The following ANKZF1 variants were observed in gnomAD, a reference collection of about 807,000 sequenced individuals.
ANKZF1 encodes ankyrin repeat and zinc finger peptidyl tRNA hydrolase 1, also known as tRNA endonuclease ANKZF1.
A neutral mutation model predicts 86.0 loss-of-function variants in ANKZF1; 84 were observed. The observed-to-expected ratio is 0.98, with a 90% CI of 0.82 to 1.17. The LOEUF is 1.17. Ranked by LOEUF, ANKZF1 falls within the 50% of genes most tolerant of loss-of-function variation. The pLI, the probability that ANKZF1 is intolerant of heterozygous loss-of-function variation, is 0.00. For synonymous variants in ANKZF1, 331 were observed against 354.2 expected, an observed-to-expected ratio of 0.93 and a Z score of 0.74; for missense variants, 893 against 918.4, an observed-to-expected ratio of 0.97 and a Z score of 0.36.
chr2:219,232,588 A>T lies in ANKZF1; in HGVS notation c.463A>T (p.Ser155Cys). 6.2e-7 allele frequency: 1 copy of T among 1,614,182 alleles called. No individual in the cohort carries two copies. The highest frequency in any genetic ancestry group is 1.1e-5 in the South Asian group (1 of 91,086). Residue 155 changes from serine (S) to cysteine (C), a missense_variant, in exon 5 of 14, where the codon AGC becomes TGC. Transcript: ENST00000323348. ...DRERATFEKL[S>C]RPPGFYPHRV... is the part of the protein sequence containing the mutation. Reference sequence around the variant, plus strand: ...GGAGAGGGCTACATTTGAGAAGTTGAGCCGACCCCCAGGCTTTTACCCTCA... The same window carrying T: ...GGAGAGGGCTACATTTGAGAAGTTGTGCCGACCCCCAGGCTTTTACCCTCA...
intron 2 of ANKZF1, chr2:219,231,670 A>G: frequency 2.7e-6 from 1 of 375,648 alleles, no homozygotes; most frequent in South Asian, 2.4e-5. Context: ...CTGGGATTAC[A>G]AGCGTGAGCC....
At position 219,234,855 on chromosome 2, in the gene ANKZF1, C is replaced by T. The variant is rs777110647; in HGVS notation, c.1234C>T (p.Gln412Ter). 9.3e-6 allele frequency: 15 copies of T among 1,612,898 alleles called. No homozygotes were observed. Among genetic ancestry groups the T allele is most frequent in the Non-Finnish European group, 1.2e-5 (14 of 1,179,298 alleles). Residue 412 changes from glutamine to a stop codon, truncating the protein, a stop_gained, in exon 10 of 14, where the codon CAG becomes TAG. Coordinates refer to ENST00000323348, the MANE Select transcript of ANKZF1 (RefSeq NM_018089.3). LOFTEE classifies it high-confidence loss of function. ...GSGSEGEDGF[Q>*]VELELVELTV... ...AGGGTCGGAGGGAGAAGATGGCTTT[C>T]AGGTAGAGTTGGAGCTAGTGGAGTT... is the stretch of plus-strand genomic sequence containing the variant.
intron 5 of ANKZF1, 73 bp downstream of exon 5, chr2:219,232,756 T>G (rs1951081515): frequency 1.4e-6 from 2 of 1,469,298 alleles, no homozygotes; most frequent in Admixed American, 4.0e-5. Context: ...CTTAGCCTAG[T>G]GCATTTCTCC....
At chr2:219,230,593 C>A in intron 2 of ANKZF1, 188 bp downstream of exon 2, 2 of 672,206 alleles carry the variant, frequency 3.0e-6, no homozygotes, top group Non-Finnish European at 4.6e-6. Flanking sequence ...GTCTTTTTGC[C>A]ATTGCATGTA....
At position 219,230,404 on chromosome 2, in the gene ANKZF1, A is replaced by T; in HGVS notation, c.147A>T (p.Ser49=). 6.2e-7 allele frequency: 1 copy of T among 1,605,330 alleles called. No homozygotes were observed. Among genetic ancestry groups the T allele is most frequent in the Admixed American group, 1.7e-5 (1 of 59,364 alleles). The stretch of plus-strand genomic sequence containing the variant: ...CCCGGGCTCCGCGTACTTCCTGTTC[A>T]GGTATCCTGGAAGGTTTCGTGTGAA... The part of the protein sequence containing the change: ...ALARAPRTSC[S]GSGERESPER... Residue 49 remains serine, a splice_region_variant and synonymous_variant, in exon 2 of 14, where the codon TCA becomes TCT. Transcript: ENST00000323348.
rs539189014 is a variant in ANKZF1 at position 219,232,289 on chromosome 2, G to A, written c.291G>A (p.Arg97=). 1 of 1,614,230 alleles carries A rather than the reference G, an allele frequency of 6.2e-7. No individual in the cohort carries two copies. The highest frequency in any genetic ancestry group is 8.5e-7 in the Non-Finnish European group (1 of 1,180,046). ...AACATTATAAGCTTGACTGGCATCG[G>A]TTTAACCTAAAGCAACGTCTCAAGG... The part of the protein sequence containing the change: ...QREHYKLDWH[R]FNLKQRLKDK... Residue 97 remains arginine, a synonymous_variant, in exon 4 of 14, where the codon CGG becomes CGA. Transcript: ENST00000323348.
In ANKZF1 at chr2:219,234,290, T is replaced by G; in HGVS notation, c.1204+2T>G. 6.2e-7 allele frequency: 1 copy of G among 1,613,794 alleles called. No individual in the cohort carries two copies. The highest frequency in any genetic ancestry group is 1.1e-5 in the South Asian group (1 of 91,076). ...AGAATGAGGAATCTCCCAAACAGGGTTTGATTACTATCTGGCAACTGTCAG... is the reference window on the plus strand; with the variant it reads ...AGAATGAGGAATCTCCCAAACAGGGGTTGATTACTATCTGGCAACTGTCAG... On this transcript the variant is annotated splice_donor_variant, in intron 9 of 13. Transcript: ENST00000323348. LOFTEE classifies it high-confidence loss of function.
At position 219,234,022 on chromosome 2, in the gene ANKZF1, C is replaced by T. The variant is rs1468222639; in HGVS notation, c.1048+79C>T. 5 of 1,530,822 alleles carry T rather than the reference C, an allele frequency of 3.3e-6. No individual in the cohort carries two copies. In the African/African-American group the frequency reaches 7.0e-5, roughly 21 times the overall value. The allele number at this position is 1,530,822 out of a possible 1,614,324, so 94.8% of individuals were successfully genotyped here. A position where few individuals can be genotyped will look rare whatever the true frequency, so the allele number is the denominator to read the frequency against. ...TAAGCCTCCATTCTCATTGGTATAT[C>T]CAGAGGATTTTCTAAGCCTTGGACT... On this transcript the variant is annotated intron_variant, in intron 8 of 13. Transcript: ENST00000323348.
chr2:219,232,374 TA>T lies in ANKZF1; in HGVS notation c.364+13del. The T allele has an allele frequency of 6.2e-7, 1 of 1,613,660 alleles. No individual in the cohort carries two copies. The highest frequency in any genetic ancestry group is 8.5e-7 in the Non-Finnish European group (1 of 1,179,540). ...GCAGAGCTCCACAGGTGATGAGTGG[TA>T]GGGGGACCTATGTAGGAGTAGGACA... On this transcript the variant is annotated intron_variant, in intron 4 of 13. Transcript: ENST00000323348.
rs1180370499 is a variant in ANKZF1 at position 219,235,167 on chromosome 2, C to T, written c.1546C>T (p.Pro516Ser). 6.2e-7 allele frequency: 1 copy of T among 1,614,056 alleles called. No homozygotes were observed. Among genetic ancestry groups the T allele is most frequent in the Non-Finnish European group, 8.5e-7 (1 of 1,180,042 alleles). ...TGGAGTGCTAAAGCTGCAGCTAGCT[C>T]CCAGCCCTGCAGACCCTAGAGTTCT... ...DVGVLKLQLA[P>S]SPADPRVLSL... Residue 516 changes from proline (P) to serine (S), a missense_variant, in exon 10 of 14, where the codon CCC becomes TCC. By Grantham distance (74) the Pro-to-Ser change is moderately conservative. Coordinates refer to ENST00000323348, the MANE Select transcript of ANKZF1 (RefSeq NM_018089.3).
In ANKZF1 at chr2:219,232,624, T is replaced by C; in HGVS notation, c.499T>C (p.Phe167Leu). 1 of 1,614,192 alleles carries C rather than the reference T, an allele frequency of 6.2e-7. No homozygotes were observed. The highest frequency in any genetic ancestry group is 8.5e-7 in the Non-Finnish European group (1 of 1,180,036). The part of the protein sequence containing the change: ...PPGFYPHRVL[F>L]QNAQGQFLYA... ...AGGCTTTTACCCTCATCGAGTTCTT[T>C]TCCAGAATGCCCAGGGCCAGTTTCT... The change falls in exon 5 of 14, where the codon TTC (phenylalanine) becomes CTC (leucine). Residue 167 changes from phenylalanine to leucine, a missense_variant. Physicochemically the swap from Phe to Leu is conservative, Grantham distance 22. Coordinates refer to ENST00000323348, the MANE Select transcript of ANKZF1 (RefSeq NM_018089.3).
chr2:219,235,187 A>T lies in ANKZF1; in HGVS notation c.1566A>T (p.Arg522Ser), dbSNP rs767197234. Residue 522 changes from arginine to serine, a missense_variant, in exon 10 of 14, where the codon AGA (arginine) becomes AGT (serine). Arg to Ser is a moderately radical substitution (Grantham distance 110, BLOSUM62 -1). Transcript: ENST00000323348. ...TAGCTCCCAGCCCTGCAGACCCTAG[A>T]GTTCTGTCTCTGCTCAGTGCCCCCT... ...LQLAPSPADP[R>S]VLSLLSAPLG... 5.6e-6 allele frequency: 9 copies of T among 1,613,928 alleles called. No homozygotes were observed. The highest frequency in any genetic ancestry group is 1.7e-4 in the Middle Eastern group (1 of 6,060).
Position 219,235,231 on chromosome 2 carries a change from C to T in ANKZF1, c.1610C>T (p.Thr537Ile), listed in dbSNP as rs2106466382. ...LSAPLGSGGF[T>I]LLHAAAAAGR... ...GCCCCCTTGGGCTCCGGTGGCTTTACTCTCCTGCATGCAGCAGCTGCAGCT... is the reference window on the plus strand; with the variant it reads ...GCCCCCTTGGGCTCCGGTGGCTTTATTCTCCTGCATGCAGCAGCTGCAGCT... The change falls in exon 10 of 14, where the codon ACT becomes ATT. Residue 537 changes from threonine to isoleucine, a missense_variant. Thr to Ile is a moderately conservative substitution (Grantham distance 89). Coordinates refer to ENST00000323348, the MANE Select transcript of ANKZF1 (RefSeq NM_018089.3). 1.2e-6 allele frequency: 2 copies of T among 1,613,548 alleles called. No individual in the cohort carries two copies. The highest frequency in any genetic ancestry group is 2.2e-5 in the South Asian group (2 of 91,090).
At chr2:219,232,405 G>C in intron 4 of ANKZF1, 43 bp downstream of exon 4, 1 of 1,611,606 alleles carries the variant, frequency 6.2e-7, no homozygotes, top group South Asian at 1.1e-5. Flanking sequence ...AGGACATGGA[G>C]GTATAAGAAA....
rs775779269 is a variant in ANKZF1, at chr2:219,235,077, G to A, written c.1456G>A (p.Ala486Thr). ...AAPLGPLLDE[A>T]KAPGQPELWN... Reference sequence around the variant, plus strand: ...CCCCTTGGGCCCTTTGCTGGATGAGGCCAAAGCCCCTGGTCAGCCAGAGCT... The same window carrying A: ...CCCCTTGGGCCCTTTGCTGGATGAGACCAAAGCCCCTGGTCAGCCAGAGCT... Residue 486 changes from alanine to threonine, a missense_variant, in exon 10 of 14, where the codon GCC becomes ACC. By Grantham distance (58) the Ala-to-Thr change is moderately conservative (BLOSUM62 0). Transcript: ENST00000323348. 48 of 1,614,078 alleles carry A rather than the reference G, an allele frequency of 3.0e-5. 1 individual carries two copies. In the South Asian group the frequency reaches 4.6e-4, roughly 16 times the overall value.
Position 219,234,939 on chromosome 2 carries a change from A to T in ANKZF1, c.1318A>T (p.Lys440Ter). The part of the protein sequence containing the change: ...SEVLPKRRRR[K>*]RNKKEKSRDQ... ...AGTATTGCCCAAGCGGAGGAGGAGA[A>T]AAAGGAATAAGAAGGAGAAAAGCCG... is the stretch of plus-strand genomic sequence containing the variant. Residue 440 changes from lysine to a stop codon, truncating the protein, a stop_gained, in exon 10 of 14, where the codon AAA (lysine) becomes TAA (stop). Coordinates refer to ENST00000323348, the MANE Select transcript of ANKZF1 (RefSeq NM_018089.3). LOFTEE classifies it high-confidence loss of function. 6.2e-7 allele frequency: 1 copy of T among 1,614,194 alleles called. No individual in the cohort carries two copies. The highest frequency in any genetic ancestry group is 8.5e-7 in the Non-Finnish European group (1 of 1,180,032).
intron 2 of ANKZF1, chr2:219,231,674 G>A (rs1184710525): frequency 7.9e-6 from 3 of 380,890 alleles, no homozygotes; most frequent in African/African-American, 2.1e-5. Flanking sequence ...GATTACAAGC[G>A]TGAGCCGCTG....
intron 11 of ANKZF1, 23 bp from the exon 12 acceptor site, chr2:219,235,675 AACTTATAGGG>A: frequency 6.2e-7 from 1 of 1,611,512 alleles, no homozygotes; most frequent in Non-Finnish European, 8.5e-7. Context: ...TACCAAAGAT[AACTTATAGGG>A]TCTTATATTT....
chr2:219,233,085 C>T lies in ANKZF1; in HGVS notation c.565C>T (p.Pro189Ser), dbSNP rs375763518. 1 of 1,613,582 alleles carries T rather than the reference C, an allele frequency of 6.2e-7. No individual in the cohort carries two copies. The highest frequency in any genetic ancestry group is 1.3e-5 in the African/African-American group (1 of 74,902). The part of the protein sequence containing the change: ...RCVLGPHQDP[P>S]EEAELLLQNL... ...ATGCTTCTCTGTCATCAAGGATCCC[C>T]CAGAAGAGGCAGAACTGCTGCTACA... The change falls in exon 6 of 14, where the codon CCA (proline) becomes TCA (serine). Residue 189 changes from proline to serine, a missense_variant. Coordinates refer to ENST00000323348, the MANE Select transcript of ANKZF1 (RefSeq NM_018089.3).
Sources: allele counts gnomAD v4.1 joint callset, GRCh38; gene constraint gnomAD v4.1.1; transcripts MANE v1.5; gene names NCBI Gene and HGNC (gene_info 2026-07-23, HGNC 2026-07-21).